The following PRTG variants were observed in gnomAD, a reference collection of about 807,000 sequenced individuals.
PRTG encodes the protein protogenin, also known as immunoglobulin superfamily, DCC subclass, member 5.
PRTG carries 67 observed loss-of-function variants against 122.5 expected under a neutral mutation model. The observed-to-expected ratio is 0.55, with a 90% confidence interval of 0.45 to 0.67. The LOEUF is 0.67. Ranked by LOEUF, PRTG falls within the 30% of genes least tolerant of loss-of-function variation. The pLI is 0.00. For synonymous variants in PRTG, 554 were observed against 501.1 expected, an observed-to-expected ratio of 1.11 and a Z score of -1.41; for missense variants, 1,435 against 1,415.4, an observed-to-expected ratio of 1.01 and a Z score of -0.22.
intron 12 of PRTG, among the ~76,000 whole-genome samples, chr15:55,640,498 G>GA (rs1567079371): frequency 6.6e-6 from 1 of 152,132 alleles, no homozygotes; most frequent in Non-Finnish European, 1.5e-5. Context: ...ACCAGTGGGG[G>GA]ACTTAAGACT....
chr15:55,716,062 T>C (rs2030585571), intron 2 of PRTG, among the ~76,000 whole-genome samples: 1 of 152,196 alleles, frequency 6.6e-6, no homozygotes, highest in African/African-American at 2.4e-5. Flanking sequence ...TGCCAACAAA[T>C]TACAAATGAA....
intron 11 of PRTG, among the ~76,000 whole-genome samples, chr15:55,667,143 T>C (rs1224830447): frequency 6.6e-6 from 1 of 151,104 alleles, no homozygotes; most frequent in Admixed American, 6.6e-5. Flanking sequence ...CTCTAATTCA[T>C]CCAGAGAACA....
intron 11 of PRTG, among the ~76,000 whole-genome samples, chr15:55,671,387 G>C (rs1182502225): frequency 2.0e-5 from 3 of 152,228 alleles, no homozygotes; most frequent in Non-Finnish European, 2.9e-5. Context: ...CAAAGGGACT[G>C]CTTTGTACTT....
At chr15:55,676,313 T>C (rs1336992436) in intron 8 of PRTG, among the ~76,000 whole-genome samples, 1 of 152,058 alleles carries the variant, frequency 6.6e-6, no homozygotes, top group Non-Finnish European at 1.5e-5. Flanking sequence ...CAACTCTTAA[T>C]CAAATATGCA....
Position 55,623,365 on chromosome 15 carries a change from C to G in PRTG, c.3093+977G>C, listed in dbSNP as rs192220203. On this transcript the variant is annotated intron_variant, in intron 18 of 19. Transcript: ENST00000389286. ...GGCAGATCATCTGAGGTCAGTAGTTCGAGACCAGCCTGACCAACACGGTGA... is the reference window on the plus strand; with the variant it reads ...GGCAGATCATCTGAGGTCAGTAGTTGGAGACCAGCCTGACCAACACGGTGA... Among the ~76,000 whole-genome samples the G allele has an allele frequency of 8.5e-5, 13 of 152,158 alleles. No individual in the cohort carries two copies. In the East Asian group the frequency reaches 2.5e-3, roughly 29 times the overall value.
At chr15:55,638,510 T>A (rs1465713622) in intron 14 of PRTG, 39 bp downstream of exon 14, 1 of 1,508,162 alleles carries the variant, frequency 6.6e-7, no homozygotes, top group African/African-American at 1.4e-5. Context: ...TCCTTAATTT[T>A]TTTTAAAGAT....
At chr15:55,678,153 A>G (rs1412745404) in intron 7 of PRTG, 109 bp from the exon 8 acceptor site, 1 of 704,466 alleles carries the variant, frequency 1.4e-6, no homozygotes, top group Non-Finnish European at 2.3e-6. Context: ...TAAAATTAAA[A>G]TTAAAATCAA....
intron 2 of PRTG, among the ~76,000 whole-genome samples, chr15:55,738,871 G>A (rs2031521636): frequency 1.4e-5 from 2 of 137,942 alleles, no homozygotes; most frequent in Non-Finnish European, 3.1e-5. Context: ...GGGAAGGAAG[G>A]GACAGGAGGA....
chr15:55,710,966 G>C (rs1264995502), intron 2 of PRTG, among the ~76,000 whole-genome samples: 3 of 151,980 alleles, frequency 2.0e-5, no homozygotes, highest in Non-Finnish European at 4.4e-5. Flanking sequence ...GAGTACAATG[G>C]CATGATCTCA....
At chr15:55,658,980 T>C (rs968355778) in intron 11 of PRTG, among the ~76,000 whole-genome samples, 1 of 152,228 alleles carries the variant, frequency 6.6e-6, no homozygotes, top group African/African-American at 2.4e-5. Context: ...ATGTGCTGCC[T>C]ACTGTGTGCA....
rs2059263063 is a variant in PRTG, at chr15:55,637,269, G to A, written c.2524C>T (p.Pro842Ser). The change falls in exon 15 of 20, where the codon CCC (proline) becomes TCC (serine). Residue 842 changes from proline to serine, a missense_variant. Transcript: ENST00000389286. The part of the protein sequence containing the change: ...EDDTALVSWK[P>S]PDGPETVVTR... ...ACAACTGTTTCTGGGCCATCAGGGG[G>A]TTTCCAAGAAACCAGGGCAGTGTCA... 1.9e-6 allele frequency: 3 copies of A among 1,613,988 alleles called. No individual in the cohort carries two copies. Among genetic ancestry groups the A allele is most frequent in the African/African-American group, 1.3e-5 (1 of 75,022 alleles).
At chr15:55,725,830 G>A (rs1346798983) in intron 2 of PRTG, among the ~76,000 whole-genome samples, 11 of 152,176 alleles carry the variant, frequency 7.2e-5, no homozygotes. Flanking sequence ...GGAGTGCAGT[G>A]GTGCCATCGC....
intron 11 of PRTG, among the ~76,000 whole-genome samples, chr15:55,651,685 G>C (rs1435289349): frequency 6.6e-6 from 1 of 152,152 alleles, no homozygotes; most frequent in Non-Finnish European, 1.5e-5. Context: ...GATAATATTT[G>C]GGTCATGAAA....
At chr15:55,675,415 T>C (rs909661668) in intron 9 of PRTG, 104 bp downstream of exon 9, 2 of 852,042 alleles carry the variant, frequency 2.3e-6, no homozygotes, top group Non-Finnish European at 3.4e-6. Flanking sequence ...ATACCTGTTT[T>C]TTAACCAAAA....
In PRTG at chr15:55,677,959, T is replaced by C. The variant is rs748171587; in HGVS notation, c.1219A>G (p.Arg407Gly). ...GACATCACTACAGTCAGTCTGGCTC[T>C]AGATAAAATAGATCCTTGGCTATTC... is the stretch of plus-strand genomic sequence containing the variant. ...AENSQGSILSRARLTVVMSED... is the reference protein window; with the variant it reads ...AENSQGSILSGARLTVVMSED... Residue 407 changes from arginine to glycine, a missense_variant, in exon 8 of 20, where the codon AGA becomes GGA. Physicochemically the swap from Arg to Gly is moderately radical, Grantham distance 125. Transcript: ENST00000389286. 1.2e-6 allele frequency: 2 copies of C among 1,613,066 alleles called. No homozygotes were observed. The highest frequency in any genetic ancestry group is 1.7e-6 in the Non-Finnish European group (2 of 1,179,184).
chr15:55,618,021 G>A lies in PRTG; in HGVS notation c.*1991C>T, dbSNP rs186759190. The A allele has an allele frequency of 6.6e-6, 1 of 152,262 alleles. No individual in the cohort carries two copies. Among genetic ancestry groups the A allele is most frequent in the Admixed American group, 6.5e-5 (1 of 15,284 alleles). 9.4% of individuals were successfully genotyped at this position (152,262 alleles called of 1,614,324 possible). Reference sequence around the variant, plus strand: ...AAATAACACTAGAATAACTTTAAAAGGAGGTAGTATAAAACAGGAGCTATA... The same window carrying A: ...AAATAACACTAGAATAACTTTAAAAAGAGGTAGTATAAAACAGGAGCTATA... On this transcript the variant is annotated 3_prime_UTR_variant, in exon 20 of 20. Coordinates refer to ENST00000389286, the MANE Select transcript of PRTG (RefSeq NM_173814.6).
intron 2 of PRTG, among the ~76,000 whole-genome samples, chr15:55,697,593 G>A (rs2059638617): frequency 6.6e-6 from 1 of 152,122 alleles, no homozygotes; most frequent in African/African-American, 2.4e-5. Context: ...CTGGGTTCAA[G>A]CGATTCTCAT....
rs902984755 is a variant in PRTG at position 55,611,641 on chromosome 15, T to C, written c.*8371A>G. ...ATTTTGGCATTTAAACTTTTATTCATTTTTGGCATGACCTATAGGGTAGTA... is the reference window on the plus strand; with the variant it reads ...ATTTTGGCATTTAAACTTTTATTCACTTTTGGCATGACCTATAGGGTAGTA... On this transcript the variant is annotated 3_prime_UTR_variant, in exon 20 of 20. Transcript: ENST00000389286. The C allele has an allele frequency of 6.6e-6, 1 of 152,118 alleles. No individual in the cohort carries two copies. Among genetic ancestry groups the C allele is most frequent in the Non-Finnish European group, 1.5e-5 (1 of 67,980 alleles). 9.4% of individuals were successfully genotyped at this position (152,118 alleles called of 1,614,324 possible).
At chr15:55,691,901 G>A (rs571063738) in intron 2 of PRTG, among the ~76,000 whole-genome samples, 82 of 152,052 alleles carry the variant, frequency 5.4e-4, no homozygotes, top group Admixed American at 5.9e-4. Flanking sequence ...GCCCAGTGTG[G>A]TGGTGCGAGC....
Sources: allele counts gnomAD v4.1 joint callset (sites outside exome capture counted in the v4.1 genomes callset), GRCh38; gene constraint gnomAD v4.1.1; transcripts MANE v1.5; gene names NCBI Gene and HGNC (gene_info 2026-07-23, HGNC 2026-07-21).